LRRTM4: variants seen among roughly 807,000 people sequenced by gnomAD.
LRRTM4 encodes leucine rich repeat transmembrane neuronal 4.
LRRTM4 carries 25 observed loss-of-function variants against 47.6 expected under a neutral mutation model. The observed-to-expected ratio is 0.53, with a 90% CI of 0.38 to 0.73. The LOEUF (loss-of-function observed/expected upper bound fraction) is 0.73. Ranked by LOEUF, LRRTM4 falls within the 30% of genes least tolerant of loss-of-function variation. The probability of loss-of-function intolerance (pLI) is 0.00; values close to 1 mark genes in which losing one functional copy is unlikely to be tolerated. For synonymous variants in LRRTM4, 311 were observed against 269.5 expected (o/e 1.15, Z -1.51); for missense variants, 638 against 713.4 (o/e 0.89, Z 1.20).
At chr2:77,343,996 CT>C (rs901183191) in intron 3 of LRRTM4, among the ~76,000 whole-genome samples, 1 of 151,578 alleles carries the variant, frequency 6.6e-6, no homozygotes, top group African/African-American at 2.4e-5. Context: ...GATACGATGG[CT>C]TTAAAGAGAA....
chr2:76,911,849 T>C (rs926842769), intron 3 of LRRTM4, among the ~76,000 whole-genome samples: 4 of 150,276 alleles, frequency 2.7e-5, no homozygotes, highest in Admixed American at 6.7e-5. Flanking sequence ...TATATTTGTG[T>C]GTGTCTGTGT....
At chr2:77,245,551 AAGAAGAG>A (rs1675421941) in intron 3 of LRRTM4, among the ~76,000 whole-genome samples, 1 of 133,344 alleles carries the variant, frequency 7.5e-6, no homozygotes, top group Non-Finnish European at 1.7e-5. Context: ...AGAAGAAGAG[AAGAAGAG>A]AAAGTTTATT....
chr2:77,402,762 C>T (rs1237328563), intron 3 of LRRTM4, among the ~76,000 whole-genome samples: 1 of 151,966 alleles, frequency 6.6e-6, no homozygotes. Context: ...TCAGATCCCC[C>T]ATCCTCAGCC....
intron 3 of LRRTM4, among the ~76,000 whole-genome samples, chr2:76,859,553 ATCCCTAACCTACAATATT>A (rs1317472897): frequency 6.6e-6 from 1 of 152,178 alleles, no homozygotes; most frequent in Non-Finnish European, 1.5e-5. Context: ...TAATTCCTGT[ATCCCTAACCTACAATATT>A]TCCCTAACCT....
chr2:77,073,259 T>C (rs1453636617), intron 3 of LRRTM4, among the ~76,000 whole-genome samples: 1 of 152,130 alleles, frequency 6.6e-6, no homozygotes, highest in Non-Finnish European at 1.5e-5. Flanking sequence ...GTCATTAACA[T>C]TTTAAAATAT....
At chr2:77,029,083 TTA>T (rs915147777) in intron 3 of LRRTM4, among the ~76,000 whole-genome samples, 5 of 145,556 alleles carry the variant, frequency 3.4e-5, no homozygotes, top group African/African-American at 1.0e-4. Context: ...TATATATATA[TTA>T]TATATATATT....
intron 3 of LRRTM4, among the ~76,000 whole-genome samples, chr2:77,430,670 G>A (rs1016067893): frequency 3.4e-5 from 5 of 146,582 alleles, no homozygotes; most frequent in Non-Finnish European, 7.4e-5. Context: ...GTGGTGAGCT[G>A]AGACCACGCC....
chr2:76,869,410 C>G (rs755702976), intron 3 of LRRTM4, among the ~76,000 whole-genome samples: 23 of 152,078 alleles, frequency 1.5e-4, no homozygotes, highest in Non-Finnish European at 2.2e-4. Context: ...GGAATAGTCA[C>G]CAGTTTTGTA....
chr2:77,474,116 T>C (rs1033919211), intron 3 of LRRTM4, among the ~76,000 whole-genome samples: 4 of 152,130 alleles, frequency 2.6e-5, no homozygotes, highest in Non-Finnish European at 5.9e-5. Flanking sequence ...TCAAAAAATT[T>C]ATGTGCTTTT....
chr2:76,786,969 A>G (rs1001365360), intron 3 of LRRTM4, among the ~76,000 whole-genome samples: 6 of 151,850 alleles, frequency 4.0e-5, no homozygotes, highest in African/African-American at 1.4e-4. Context: ...AAATTTACCT[A>G]CATTTTTTTT....
chr2:77,093,739 A>G (rs1477266514), intron 3 of LRRTM4, among the ~76,000 whole-genome samples: 1 of 152,028 alleles, frequency 6.6e-6, no homozygotes, highest in East Asian at 1.9e-4. Context: ...GATGGCCTGA[A>G]GTAACTGAAG....
At chr2:76,942,676 C>CAGTG (rs140227592) in intron 3 of LRRTM4, among the ~76,000 whole-genome samples, 11,408 of 148,288 alleles carry the variant, frequency 0.077, 651 homozygotes, top group East Asian at 0.31. Flanking sequence ...CTCTAGGAAT[C>CAGTG]TGTGTGTGTG....
At chr2:77,402,573 C>G (rs1184603107) in intron 3 of LRRTM4, among the ~76,000 whole-genome samples, 4 of 151,960 alleles carry the variant, frequency 2.6e-5, no homozygotes, top group Non-Finnish European at 5.9e-5. Context: ...TATTTCTGTC[C>G]TCATTCAGTG....
Position 77,372,479 on chromosome 2 carries a change from A to G in LRRTM4, c.1551+145839T>C, listed in dbSNP as rs938387733. 5.3e-5 allele frequency among the ~76,000 whole-genome samples: 8 copies of G among 151,736 alleles called. No homozygotes were observed. The Admixed American group carries it at 5.3e-4, about 10-fold the overall frequency. On this transcript the variant is annotated intron_variant, in intron 3 of 3. Transcript: ENST00000409884. The stretch of plus-strand genomic sequence containing the variant: ...ATGGACACAGTGAACCTCATAGCAC[A>G]TTTCAAGAATAATGCTGATTTTGGA...
At chr2:77,205,273 G>A (rs754364662) in intron 3 of LRRTM4, among the ~76,000 whole-genome samples, 2 of 152,090 alleles carry the variant, frequency 1.3e-5, no homozygotes, top group Non-Finnish European at 2.9e-5. Flanking sequence ...GAGAAAGAAA[G>A]AAAACAAATC....
At chr2:77,123,229 G>C (rs1372170692) in intron 3 of LRRTM4, among the ~76,000 whole-genome samples, 1 of 151,738 alleles carries the variant, frequency 6.6e-6, no homozygotes, top group Non-Finnish European at 1.5e-5. Context: ...GAGAGAGAGA[G>C]AGAGAGAGAG....
At chr2:77,071,004 GATT>G (rs1256388290) in intron 3 of LRRTM4, among the ~76,000 whole-genome samples, 1 of 152,054 alleles carries the variant, frequency 6.6e-6, no homozygotes, top group African/African-American at 2.4e-5. Context: ...TTACCCTTGG[GATT>G]ACTACCTGTG....
chr2:76,971,249 G>A (rs1429617790), intron 3 of LRRTM4, among the ~76,000 whole-genome samples: 1 of 151,884 alleles, frequency 6.6e-6, no homozygotes, highest in East Asian at 1.9e-4. Context: ...TGTTAAAAAT[G>A]TGCTTTCCTT....
chr2:77,421,558 T>A (rs1010669358), intron 3 of LRRTM4, among the ~76,000 whole-genome samples: 1 of 151,820 alleles, frequency 6.6e-6, no homozygotes, highest in African/African-American at 2.4e-5. Context: ...ATACAAAAAA[T>A]TAGCCGGGCG....
Sources: allele counts gnomAD v4.1 joint callset (sites outside exome capture counted in the v4.1 genomes callset), GRCh38; gene constraint gnomAD v4.1.1; transcripts MANE v1.5; gene names NCBI Gene and HGNC (gene_info 2026-07-23, HGNC 2026-07-21).